RBM5: variants seen among roughly 807,000 people sequenced by gnomAD.
RBM5 encodes the protein RNA-binding protein 5.
A neutral mutation model predicts 124.6 loss-of-function variants in RBM5; 15 were observed. The ratio of observed to expected loss-of-function variants is 0.12; its 90% CI spans 0.08 to 0.19. The LOEUF (loss-of-function observed/expected upper bound fraction) is 0.19, where lower values mean the gene tolerates loss of function less well. RBM5 is among the 10% of genes least tolerant of loss of function. The pLI, the probability that RBM5 is intolerant of heterozygous loss-of-function variation, is 1.00. For synonymous variants in RBM5, 337 were observed against 361.2 expected, an observed-to-expected ratio of 0.93 and a Z score of 0.76; for missense variants, 580 against 1,026.5, an observed-to-expected ratio of 0.57 and a Z score of 5.94.
In RBM5 at chr3:50,092,099, G is replaced by A. The variant is rs756845812; in HGVS notation, c.74G>A (p.Arg25His). ...RYGSIIDRDD[R>H]DERESRSRRR... is the part of the protein sequence containing the mutation. ...GGTTCCATCATAGACAGGGATGACC[G>A]TGATGAGCGTGAATCCCGAAGCAGG... The change falls in exon 3 of 25, where the codon CGT becomes CAT. Residue 25 changes from arginine to histidine, a missense_variant. This residue lies in a region of RBM5 where 99 missense variants were observed against 121.1 expected (regional missense o/e 0.82). Coordinates refer to ENST00000347869, the MANE Select transcript of RBM5 (RefSeq NM_005778.4). 11 of 1,614,006 alleles carry A rather than the reference G, an allele frequency of 6.8e-6. No individual in the cohort carries two copies. The highest frequency in any genetic ancestry group is 3.3e-4 in the Middle Eastern group (2 of 6,062).
chr3:50,100,341 G>A lies in RBM5; in HGVS notation c.410-191G>A. On this transcript the variant is annotated intron_variant, in intron 5 of 24. Transcript: ENST00000347869. The surrounding 1 kb of genome is among the most constrained non-coding windows in gnomAD (Gnocchi z 5.1). ...TTTAAGCGTGGAATCAAATGGAGTGGCATTTAGTTCAGGCGGCTTGTTCCT... is the reference window on the plus strand; with the variant it reads ...TTTAAGCGTGGAATCAAATGGAGTGACATTTAGTTCAGGCGGCTTGTTCCT... 3.5e-6 allele frequency: 2 copies of A among 564,688 alleles called. No homozygotes were observed. Among genetic ancestry groups the A allele is most frequent in the South Asian group, 2.8e-5 (1 of 36,150 alleles). 35.0% of individuals were successfully genotyped at this position (564,688 alleles called of 1,614,324 possible).
At chr3:50,109,197 A>C (rs2091096767) in intron 14 of RBM5, among the ~76,000 whole-genome samples, 3 of 151,836 alleles carry the variant, frequency 2.0e-5, no homozygotes, top group Admixed American at 6.6e-5. Flanking sequence ...CCTTAGCCTC[A>C]CAAGTAGCTG....
chr3:50,098,687 C>T (rs2090874122), intron 4 of RBM5, among the ~76,000 whole-genome samples: 1 of 151,898 alleles, frequency 6.6e-6, no homozygotes, highest in Non-Finnish European at 1.5e-5. Flanking sequence ...CGTGATCCAC[C>T]TGCCTTGGCC....
chr3:50,109,841 G>T (rs2091109962), intron 15 of RBM5, 153 bp downstream of exon 15: 7 of 572,768 alleles, frequency 1.2e-5, no homozygotes. Flanking sequence ...TTAATTTTAT[G>T]ATATATATGT....
At position 50,115,544 on chromosome 3, in the gene RBM5, C is replaced by T; in HGVS notation, c.1956C>T (p.Cys652=). The change falls in exon 21 of 25, where the codon TGC becomes TGT. Residue 652 remains cysteine (C), a synonymous_variant. Transcript: ENST00000347869. ...ADWKKMACLL[C]RRQFPNKDAL... is the part of the protein sequence containing the mutation. ...GGAAGAAGATGGCCTGTCTGCTCTG[C>T]CGGCGCCAGTTCCCGAACAAAGATG... 6.2e-7 allele frequency: 1 copy of T among 1,613,534 alleles called. No homozygotes were observed. Among genetic ancestry groups the T allele is most frequent in the Non-Finnish European group, 8.5e-7 (1 of 1,179,896 alleles).
At chr3:50,103,384 C>A (rs1027408253) in intron 7 of RBM5, among the ~76,000 whole-genome samples, 1 of 152,194 alleles carries the variant, frequency 6.6e-6, no homozygotes, top group Non-Finnish European at 1.5e-5. Context: ...TGGTGGCTCA[C>A]GCCTGTAATC....
At chr3:50,102,834 C>A (rs1434614532) in intron 6 of RBM5, 2 of 462,354 alleles carry the variant, frequency 4.3e-6, no homozygotes, top group Non-Finnish European at 7.8e-6. Flanking sequence ...CGGCCTGGTG[C>A]AAGTCAGCGT....
chr3:50,100,041 G>A lies in RBM5; in HGVS notation c.399G>A (p.Lys133=). ...GPQPADVRLM[K]RKTGVSRGFA... ...AGCCTGCGGATGTGAGGCTGATGAA[G>A]AGGAAAACAGGTGAGAGCTTGCTTA... The change falls in exon 5 of 25, where the codon AAG becomes AAA. Residue 133 remains lysine, a synonymous_variant. Coordinates refer to ENST00000347869, the MANE Select transcript of RBM5 (RefSeq NM_005778.4). The surrounding 1 kb of genome is among the most constrained non-coding windows in gnomAD (Gnocchi z 5.1). 2 of 1,613,970 alleles carry A rather than the reference G, an allele frequency of 1.2e-6. No individual in the cohort carries two copies. The highest frequency in any genetic ancestry group is 1.7e-6 in the Non-Finnish European group (2 of 1,179,964).
chr3:50,101,636 G>C (rs1002100691), intron 6 of RBM5: 1 of 152,210 alleles, frequency 6.6e-6, no homozygotes, highest in Non-Finnish European at 1.5e-5. Flanking sequence ...CAAGGTTCAT[G>C]TGAGTCTGCT....
chr3:50,108,030 C>T (rs761975424), intron 12 of RBM5, 40 bp from the exon 13 acceptor site: 4 of 1,525,664 alleles, frequency 2.6e-6, no homozygotes, highest in South Asian at 1.1e-5. Context: ...TTCCTTAATG[C>T]CTACTAAGTT....
In RBM5 at chr3:50,113,409, G is replaced by A. The variant is rs1252515580; in HGVS notation, c.1482G>A (p.Gln494=). ...SQYYYNSLTQ[Q]YLYWDGEKET... ...ACTACTATAATTCCTTGACCCAGCA[G>A]TACCTTTACTGGGATGGGGAAAAAG... The change falls in exon 18 of 25, where the codon CAG becomes CAA. Residue 494 remains glutamine (Q), a synonymous_variant. Transcript: ENST00000347869. The A allele has an allele frequency of 3.1e-6, 5 of 1,613,750 alleles. No individual in the cohort carries two copies. The South Asian group carries it at 4.4e-5, about 14-fold the overall frequency.
intron 21 of RBM5, 132 bp from the exon 22 acceptor site, chr3:50,115,774 A>G (rs1442944066): frequency 1.7e-6 from 2 of 1,198,342 alleles, no homozygotes; most frequent in African/African-American, 1.5e-5. Context: ...ACACACATCA[A>G]ACTATAGTTT....
intron 22 of RBM5, 93 bp downstream of exon 22, chr3:50,116,073 G>A (rs1559698800): frequency 8.0e-7 from 1 of 1,254,472 alleles, no homozygotes; most frequent in Non-Finnish European, 1.2e-6. Flanking sequence ...CCAGGGGCAG[G>A]GTAGGAGGAT....
chr3:50,107,194 T>C (rs2091048992), intron 11 of RBM5: 1 of 629,582 alleles, frequency 1.6e-6, no homozygotes, highest in Admixed American at 2.4e-5. Context: ...TGCTAATAAT[T>C]TCATGTATAT....
In RBM5 at chr3:50,090,433, C is replaced by T; in HGVS notation, c.-2C>T. ...GCTGTGTGCTAAATCTTCAGTGGGACAATGGGTTCAGACAAAAGGTAAGTT... is the reference window on the plus strand; with the variant it reads ...GCTGTGTGCTAAATCTTCAGTGGGATAATGGGTTCAGACAAAAGGTAAGTT... On this transcript the variant is annotated 5_prime_UTR_variant, in exon 2 of 25. Coordinates refer to ENST00000347869, the MANE Select transcript of RBM5 (RefSeq NM_005778.4). The T allele has an allele frequency of 6.2e-7, 1 of 1,613,970 alleles. No homozygotes were observed.
Position 50,110,702 on chromosome 3 carries a change from C to A in RBM5, c.1387C>A (p.Gln463Lys). The A allele has an allele frequency of 6.2e-7, 1 of 1,613,374 alleles. No individual in the cohort carries two copies. The highest frequency in any genetic ancestry group is 8.5e-7 in the Non-Finnish European group (1 of 1,179,504). The change falls in exon 17 of 25, where the codon CAG becomes AAG. Residue 463 changes from glutamine (Q) to lysine (K), a missense_variant. Physicochemically the swap from Gln to Lys is moderately conservative, Grantham distance 53 (BLOSUM62 1). Around this residue, in one of 6 missense-constraint regions of RBM5, gnomAD observed 104 missense variants for 128.7 expected, o/e 0.81. Transcript: ENST00000347869. Reference protein sequence around the residue: ...KYAVPDTSTYQYDESSGYYYD... With the variant: ...KYAVPDTSTYKYDESSGYYYD... ...AGCAGTACCTGACACGTCCACTTAC[C>A]AGTATGATGAATCTTCAGGATATTA...
At chr3:50,105,194 G>T (rs540902988) in intron 9 of RBM5, 52 bp downstream of exon 9, 179 of 1,426,514 alleles carry the variant, frequency 1.3e-4, no homozygotes, top group Non-Finnish European at 1.6e-4. Context: ...GACCTCAGTT[G>T]TCAGGAGATG....
intron 10 of RBM5, among the ~76,000 whole-genome samples, chr3:50,106,550 A>G (rs2091036756): frequency 6.6e-6 from 1 of 152,158 alleles, no homozygotes; most frequent in South Asian, 2.1e-4. Flanking sequence ...ACTTTGTTTT[A>G]GATTGGTTTA....
chr3:50,108,009 T>G, intron 12 of RBM5, 61 bp from the exon 13 acceptor site: 1 of 1,418,112 alleles, frequency 7.1e-7, no homozygotes, highest in Non-Finnish European at 1.0e-6. Context: ...TTTAGGGACT[T>G]CTGAATTTTT....
Sources: allele counts gnomAD v4.1 joint callset (sites outside exome capture counted in the v4.1 genomes callset), GRCh38; gene constraint gnomAD v4.1.1; regional missense constraint gnomAD v4.1.1; non-coding constraint Gnocchi (gnomAD v3.1); transcripts MANE v1.5; gene names NCBI Gene and HGNC (gene_info 2026-07-23, HGNC 2026-07-21).